Variants in PPP1R36 observed in about 807,000 individuals in gnomAD.
PPP1R36 encodes chromosome 14 open reading frame 50.
Under a neutral mutation model 53.4 loss-of-function variants are expected in PPP1R36, and 47 were observed. The observed-to-expected ratio is 0.88, with a 90% CI of 0.70 to 1.12. The LOEUF is 1.12. Ranked by LOEUF, PPP1R36 falls within the 50% of genes most tolerant of loss-of-function variation. PPP1R36 has a pLI of 0.00. For missense variants in PPP1R36, 456 were observed against 513.9 expected, an observed-to-expected ratio of 0.89 and a Z score of 1.09; for synonymous variants, 153 against 170.5, an observed-to-expected ratio of 0.90 and a Z score of 0.80.
chr14:64,561,329 C>A (rs762579075), intron 3 of PPP1R36, among the ~76,000 whole-genome samples: 2 of 152,206 alleles, frequency 1.3e-5, no homozygotes, highest in Non-Finnish European at 2.9e-5. Flanking sequence ...CCCTCAGAGA[C>A]AACCTAGCTC....
chr14:64,579,183 G>A (rs775786113), intron 8 of PPP1R36, among the ~76,000 whole-genome samples: 3 of 152,118 alleles, frequency 2.0e-5, no homozygotes, highest in African/African-American at 4.8e-5. Flanking sequence ...ATACCTGAGC[G>A]ATGTGATAAT....
At chr14:64,584,674 C>G (rs1054808611) in intron 8 of PPP1R36, among the ~76,000 whole-genome samples, 15 of 152,256 alleles carry the variant, frequency 9.9e-5, no homozygotes, top group South Asian at 8.3e-4. Context: ...CTGACAGGCC[C>G]GAGTTTTAGT....
chr14:64,565,676 T>G lies in PPP1R36; in HGVS notation c.418T>G (p.Phe140Val). Residue 140 changes from phenylalanine (F) to valine (V), a missense_variant, in exon 6 of 12, where the codon TTT becomes GTT. By Grantham distance (50) the Phe-to-Val change is conservative (BLOSUM62 -1). Coordinates refer to ENST00000298705, the MANE Select transcript of PPP1R36 (RefSeq NM_172365.3). ...TACTGAGATGCAGCGGATCTGTTCT[T>G]TTACAACATTTATGAGGTATCTATT... ...QDTEMQRICS[F>V]TTFMRNKNLD... The G allele has an allele frequency of 6.2e-7, 1 of 1,612,668 alleles. No individual in the cohort carries two copies. Among genetic ancestry groups the G allele is most frequent in the Non-Finnish European group, 8.5e-7 (1 of 1,178,680 alleles).
intron 8 of PPP1R36, among the ~76,000 whole-genome samples, chr14:64,575,655 T>C (rs559472999): frequency 1.5e-5 from 1 of 65,632 alleles, no homozygotes; most frequent in Non-Finnish European, 3.3e-5. Flanking sequence ...CATTTTGGGG[T>C]TTTTTTTTTT....
Position 64,574,562 on chromosome 14 carries a change from C to G in PPP1R36, c.641C>G (p.Pro214Arg). 1 of 1,613,706 alleles carries G rather than the reference C, an allele frequency of 6.2e-7. No individual in the cohort carries two copies. Among genetic ancestry groups the G allele is most frequent in the South Asian group, 1.1e-5 (1 of 91,010 alleles). The change falls in exon 8 of 12, where the codon CCG (proline) becomes CGG (arginine). Residue 214 changes from proline (P) to arginine (R), a missense_variant. By Grantham distance (103) the Pro-to-Arg change is moderately radical (BLOSUM62 -2). Transcript: ENST00000298705. ...ATCCTTGTGCTGGGCTTGGCCGTGC[C>G]GGATAAGCATCACATGTGCTGTGGA... ...YCILVLGLAVPDKHHMCCGKE... is the reference protein window; with the variant it reads ...YCILVLGLAVRDKHHMCCGKE...
intron 1 of PPP1R36, chr14:64,550,343 T>G: frequency 1.7e-6 from 2 of 1,150,044 alleles, no homozygotes. Context: ...GGTTGCAAAA[T>G]AGGGAGACCT....
At chr14:64,575,288 A>G (rs1341928886) in intron 8 of PPP1R36, among the ~76,000 whole-genome samples, 3 of 152,140 alleles carry the variant, frequency 2.0e-5, no homozygotes, top group African/African-American at 4.8e-5. Flanking sequence ...CTCTTTCTAC[A>G]TTCTCCACAT....
At position 64,550,022 on chromosome 14, in the gene PPP1R36, G is replaced by A. The variant is rs369642002; in HGVS notation, c.25G>A (p.Ala9Thr). The A allele has an allele frequency of 5.7e-4, 891 of 1,574,840 alleles. 14 individuals are homozygous for A. The South Asian group carries it at 9.4e-3, about 17-fold the overall frequency. The change falls in exon 1 of 12, where the codon GCG (alanine) becomes ACG (threonine). Residue 9 changes from alanine to threonine, a missense_variant. Coordinates refer to ENST00000298705, the MANE Select transcript of PPP1R36 (RefSeq NM_172365.3). MYRVPEFY[A>T]RRKRLGGQTP... ...CATGTACCGGGTGCCCGAGTTTTATGCGAGGAGGAAGCGGTTAGGTGGGCA... is the reference window on the plus strand; with the variant it reads ...CATGTACCGGGTGCCCGAGTTTTATACGAGGAGGAAGCGGTTAGGTGGGCA...
intron 8 of PPP1R36, among the ~76,000 whole-genome samples, chr14:64,583,961 C>T (rs1330158252): frequency 7.2e-6 from 1 of 139,474 alleles, no homozygotes; most frequent in African/African-American, 2.7e-5. Context: ...AGTGCAGTGA[C>T]GTGATCTTGG....
chr14:64,585,831 A>C lies in PPP1R36; in HGVS notation c.669-1006A>C, dbSNP rs140187275. ...TGCAGGTGCATAACCCCCTCAGTCAACTCTCAAGGGCTCCCCAGACCAGGC... is the reference window on the plus strand; with the variant it reads ...TGCAGGTGCATAACCCCCTCAGTCACCTCTCAAGGGCTCCCCAGACCAGGC... On this transcript the variant is annotated intron_variant, in intron 8 of 11. Transcript: ENST00000298705. Among the ~76,000 whole-genome samples, 449 of 152,262 alleles carry C rather than the reference A, an allele frequency of 2.9e-3. 1 individual carries two copies. The highest frequency in any genetic ancestry group is 5.0e-3 in the Non-Finnish European group (338 of 68,014).
At chr14:64,579,964 C>T (rs769935201) in intron 8 of PPP1R36, among the ~76,000 whole-genome samples, 2 of 149,326 alleles carry the variant, frequency 1.3e-5, no homozygotes, top group Non-Finnish European at 3.0e-5. Flanking sequence ...AGCGAGACTC[C>T]GTCTCAAAAA....
At chr14:64,575,939 T>C (rs1159556783) in intron 8 of PPP1R36, among the ~76,000 whole-genome samples, 6 of 151,834 alleles carry the variant, frequency 4.0e-5, no homozygotes, top group African/African-American at 1.5e-4. Context: ...TGTGAGCCAC[T>C]GCGCCTGGCC....
chr14:64,575,713 C>T lies in PPP1R36; in HGVS notation c.668+1124C>T, dbSNP rs548203100. On this transcript the variant is annotated intron_variant, in intron 8 of 11. Transcript: ENST00000298705. ...TTGCCCAGGCTGGACTGCAGTGGCA[C>T]GATCTTGGCTCACTGCAAGCCCCGC... Among the ~76,000 whole-genome samples the T allele has an allele frequency of 4.0e-5, 6 of 151,586 alleles. No individual in the cohort carries two copies. The East Asian group carries it at 7.8e-4, about 20-fold the overall frequency.
At chr14:64,577,264 CT>C (rs2080349534) in intron 8 of PPP1R36, among the ~76,000 whole-genome samples, 1 of 152,210 alleles carries the variant, frequency 6.6e-6, no homozygotes, top group African/African-American at 2.4e-5. Flanking sequence ...GCCTCACATC[CT>C]GAGACCATCA....
rs921702057 is a variant in PPP1R36, at chr14:64,589,296, G to T, written c.1227G>T (p.Leu409Phe). The T allele has an allele frequency of 6.2e-7, 1 of 1,613,402 alleles. No individual in the cohort carries two copies. The highest frequency in any genetic ancestry group is 8.5e-7 in the Non-Finnish European group (1 of 1,179,692). The change falls in exon 12 of 12, where the codon TTG (leucine) becomes TTT (phenylalanine). Residue 409 changes from leucine to phenylalanine, a missense_variant. Coordinates refer to ENST00000298705, the MANE Select transcript of PPP1R36 (RefSeq NM_172365.3). Reference protein sequence around the residue: ...NNMRIQDTLDLVMKTLSSHTS... With the variant: ...NNMRIQDTLDFVMKTLSSHTS... Reference sequence around the variant, plus strand: ...TGAGGATTCAGGATACACTGGACTTGGTCATGAAAACACTGTCCTCTCATA... The same window carrying T: ...TGAGGATTCAGGATACACTGGACTTTGTCATGAAAACACTGTCCTCTCATA...
intron 7 of PPP1R36, 133 bp from the exon 8 acceptor site, chr14:64,574,322 T>C: frequency 1.1e-6 from 1 of 886,834 alleles, no homozygotes. Flanking sequence ...ACCACTGCAC[T>C]CCAGCCTAGG....
At chr14:64,554,145 T>G (rs1302729480) in intron 3 of PPP1R36, among the ~76,000 whole-genome samples, 1 of 137,464 alleles carries the variant, frequency 7.3e-6, no homozygotes, top group Non-Finnish European at 1.6e-5. Flanking sequence ...CACAATTGTT[T>G]TTTTTTTTTT....
chr14:64,588,205 T>C lies in PPP1R36; in HGVS notation c.992T>C (p.Val331Ala). 1 of 1,614,052 alleles carries C rather than the reference T, an allele frequency of 6.2e-7. No individual in the cohort carries two copies. Among genetic ancestry groups the C allele is most frequent in the South Asian group, 1.1e-5 (1 of 91,066 alleles). ...LPSLREKAQN[V>A]FEKKYHQVDV... ...TCTCTCAGAGAAAAAGCTCAAAACGTCTTTGAGAAAAAGTATCATCAAGTA... is the reference window on the plus strand; with the variant it reads ...TCTCTCAGAGAAAAAGCTCAAAACGCCTTTGAGAAAAAGTATCATCAAGTA... Residue 331 changes from valine (V) to alanine (A), a missense_variant, in exon 11 of 12, where the codon GTC (valine) becomes GCC (alanine). Val to Ala is a moderately conservative substitution (Grantham distance 64). Transcript: ENST00000298705.
At chr14:64,550,135 C>T (rs2080082577) in intron 1 of PPP1R36, 69 bp downstream of exon 1, 2 of 1,517,454 alleles carry the variant, frequency 1.3e-6, no homozygotes, top group African/African-American at 2.8e-5. Context: ...CCCCAACCGG[C>T]GCCGCGCCCC....
Sources: gnomAD v4.1 joint callset for allele counts (sites outside exome capture counted in the v4.1 genomes callset) on GRCh38, gnomAD v4.1.1 for gene constraint, MANE v1.5 for transcripts, NCBI Gene and HGNC (gene_info 2026-07-23, HGNC 2026-07-21) for gene names.